The following SLTM variants were observed in gnomAD, a reference collection of about 807,000 sequenced individuals.
SLTM encodes the protein SAFB like transcription modulator, also known as SAFB-like transcription modulator.
SLTM carries 43 observed loss-of-function variants against 134.6 expected under a neutral mutation model. The observed-to-expected ratio is 0.32, with a 90% CI of 0.25 to 0.41. SLTM has a LOEUF of 0.41. Ranked by LOEUF, SLTM falls within the 10% of genes least tolerant of loss-of-function variation. The pLI is 1.00. For synonymous variants in SLTM, 424 were observed against 432.3 expected, an observed-to-expected ratio of 0.98 and a Z score of 0.24; for missense variants, 1,055 against 1,288.8, an observed-to-expected ratio of 0.82 and a Z score of 2.78.
chr15:58,913,288 A>G (rs1037086656), intron 4 of SLTM, among the ~76,000 whole-genome samples: 1 of 152,164 alleles, frequency 6.6e-6, no homozygotes, highest in East Asian at 1.9e-4. Flanking sequence ...AACTTACTCT[A>G]TAACAACTAT....
At chr15:58,880,357 A>G (rs1163018047) in intron 20 of SLTM, among the ~76,000 whole-genome samples, 2 of 152,130 alleles carry the variant, frequency 1.3e-5, no homozygotes, top group Non-Finnish European at 2.9e-5. Flanking sequence ...CTCACTTTGA[A>G]GCCCCATTAC....
intron 5 of SLTM, among the ~76,000 whole-genome samples, chr15:58,904,306 C>G (rs571573080): frequency 6.6e-6 from 1 of 152,092 alleles, no homozygotes; most frequent in African/African-American, 2.4e-5. Flanking sequence ...CTGCCACGCC[C>G]GGCCAACAAT....
In SLTM at chr15:58,913,560, G is replaced by T; in HGVS notation, c.452C>A (p.Ala151Asp). ...ELLSAEENKR[A>D]HELIEAEGIE... ...TCCTTCTGCCTCTATTAATTCATGA[G>T]CTCTCTTGTTTTCTTCTGCAGAGAG... The change falls in exon 4 of 21, where the codon GCT (alanine) becomes GAT (aspartate). Residue 151 changes from alanine to aspartate, a missense_variant. By Grantham distance (126) the Ala-to-Asp change is moderately radical (BLOSUM62 -2). Around this residue, in one of 3 missense-constraint regions of SLTM, gnomAD observed 268 missense variants for 284.3 expected, o/e 0.94. Coordinates refer to ENST00000380516, the MANE Select transcript of SLTM (RefSeq NM_024755.4). 1 of 1,613,104 alleles carries T rather than the reference G, an allele frequency of 6.2e-7. No individual in the cohort carries two copies. The highest frequency in any genetic ancestry group is 8.5e-7 in the Non-Finnish European group (1 of 1,179,810).
At chr15:58,888,818 A>G in intron 16 of SLTM, 1 of 312,260 alleles carries the variant, frequency 3.2e-6, no homozygotes, top group South Asian at 7.8e-5. Flanking sequence ...GACATTTAGC[A>G]TTCAGGAGAA....
chr15:58,900,047 TG>T, intron 6 of SLTM, 110 bp from the exon 7 acceptor site: 1 of 753,128 alleles, frequency 1.3e-6, no homozygotes, highest in Admixed American at 3.1e-5. Flanking sequence ...TTAGCACTGA[TG>T]GAAGTTAGGG....
intron 5 of SLTM, among the ~76,000 whole-genome samples, chr15:58,908,062 C>T (rs1452723505): frequency 5.2e-5 from 7 of 134,996 alleles, no homozygotes; most frequent in South Asian, 2.4e-4. Context: ...CTTTTTCTTT[C>T]TTTTTTTTTT....
intron 20 of SLTM, among the ~76,000 whole-genome samples, chr15:58,880,564 A>G (rs1174140924): frequency 3.3e-5 from 5 of 151,926 alleles, no homozygotes; most frequent in Admixed American, 2.6e-4. Flanking sequence ...TCTTTTAAAT[A>G]TATATATTTT....
chr15:58,902,903 A>T (rs1595879075), intron 5 of SLTM, among the ~76,000 whole-genome samples: 1 of 148,862 alleles, frequency 6.7e-6, no homozygotes, highest in African/African-American at 2.5e-5. Context: ...TTTTATTATT[A>T]TTATTTTTTA....
chr15:58,891,327 C>G (rs942594469), intron 14 of SLTM, among the ~76,000 whole-genome samples: 2 of 152,146 alleles, frequency 1.3e-5, no homozygotes, highest in Admixed American at 6.6e-5. Flanking sequence ...CCTCTCATAC[C>G]TTTCAGATGC....
At chr15:58,926,626 T>C (rs1349965178) in intron 2 of SLTM, among the ~76,000 whole-genome samples, 2 of 151,834 alleles carry the variant, frequency 1.3e-5, no homozygotes, top group Non-Finnish European at 2.9e-5. Flanking sequence ...TTTTTTTTTT[T>C]TTCTTTGAGT....
At position 58,879,840 on chromosome 15, in the gene SLTM, ATCT is replaced by A. The variant is rs2033552468; in HGVS notation, c.*156_*158del. The A allele has an allele frequency of 6.6e-6, 6 of 906,344 alleles. No individual in the cohort carries two copies. The highest frequency in any genetic ancestry group is 3.4e-5 in the African/African-American group (2 of 59,700). 56.1% of individuals were successfully genotyped at this position (906,344 alleles called of 1,614,324 possible). ...AAAGTTACAACAGAACTATTTAAAC[ATCT>A]TCTCCAAAATTGAGAAAAGCAATCA... On this transcript the variant is annotated 3_prime_UTR_variant, in exon 21 of 21. Transcript: ENST00000380516.
chr15:58,888,548 C>T lies in SLTM; in HGVS notation c.2212G>A (p.Asp738Asn). The T allele has an allele frequency of 6.2e-7, 1 of 1,611,928 alleles. No homozygotes were observed. Among genetic ancestry groups the T allele is most frequent in the East Asian group, 2.2e-5 (1 of 44,860 alleles). The change falls in exon 17 of 21, where the codon GAT (aspartate) becomes AAT (asparagine). Residue 738 changes from aspartate (D) to asparagine (N), a missense_variant. This residue lies in a region of SLTM where 776 missense variants were observed against 962.2 expected (regional missense o/e 0.81). Transcript: ENST00000380516. ...RPRDVDHRRD[D>N]PYWSENKKLS... The stretch of plus-strand genomic sequence containing the variant: ...TTTTTATTCTCGCTCCAGTAAGGAT[C>T]ATCTCGCCTTGAAGAGAAATATTTG...
At chr15:58,922,554 A>ATT (rs1567158277) in intron 2 of SLTM, among the ~76,000 whole-genome samples, 1 of 144,298 alleles carries the variant, frequency 6.9e-6, no homozygotes, top group East Asian at 2.0e-4. Context: ...ATATGTATAT[A>ATT]ATATGTATAT....
At chr15:58,880,750 G>A (rs1294208467) in intron 20 of SLTM, among the ~76,000 whole-genome samples, 1 of 151,852 alleles carries the variant, frequency 6.6e-6, no homozygotes, top group Non-Finnish European at 1.5e-5. Context: ...ATTTTTCTTA[G>A]AGACAGGGTT....
At chr15:58,919,517 T>C (rs1428258614) in intron 2 of SLTM, among the ~76,000 whole-genome samples, 2 of 151,870 alleles carry the variant, frequency 1.3e-5, no homozygotes, top group Non-Finnish European at 2.9e-5. Flanking sequence ...GGAGGACTGC[T>C]TGAACCCAGG....
Position 58,895,266 on chromosome 15 carries a change from A to G in SLTM, c.1228-684T>C, listed in dbSNP as rs1333503068. ...TTCTAGTATTTTATTGATGAGTGTTAACACTTTTCTATAATGAGTAAAGAA... is the reference window on the plus strand; with the variant it reads ...TTCTAGTATTTTATTGATGAGTGTTGACACTTTTCTATAATGAGTAAAGAA... On this transcript the variant is annotated intron_variant, in intron 9 of 20. Transcript: ENST00000380516. 3.3e-5 allele frequency among the ~76,000 whole-genome samples: 5 copies of G among 152,332 alleles called. No individual in the cohort carries two copies. The East Asian group carries it at 9.6e-4, about 29-fold the overall frequency.
At chr15:58,924,014 C>A (rs1364367417) in intron 2 of SLTM, among the ~76,000 whole-genome samples, 1 of 151,982 alleles carries the variant, frequency 6.6e-6, no homozygotes, top group African/African-American at 2.4e-5. Flanking sequence ...AGGGTTTCAT[C>A]ATGTTGGCCA....
chr15:58,899,985 C>T lies in SLTM; in HGVS notation c.590-48G>A, dbSNP rs2035353491. 1 of 1,390,870 alleles carries T rather than the reference C, an allele frequency of 7.2e-7. No homozygotes were observed. The highest frequency in any genetic ancestry group is 1.3e-5 in the South Asian group (1 of 75,396). 86.2% of individuals were successfully genotyped at this position (1,390,870 alleles called of 1,614,324 possible). On this transcript the variant is annotated intron_variant, in intron 6 of 20. Transcript: ENST00000380516. This position sits in a 1 kb window ranked among gnomAD's most constrained non-coding sequence, Gnocchi z 5.0. ...AATATGGCAAAACAAGAAGTTTAAACAATTTCATATTCATAAGCTAGAATA... is the reference window on the plus strand; with the variant it reads ...AATATGGCAAAACAAGAAGTTTAAATAATTTCATATTCATAAGCTAGAATA...
intron 18 of SLTM, 34 bp downstream of exon 18, chr15:58,887,192 A>C (rs766833476): frequency 3.1e-6 from 5 of 1,611,780 alleles, no homozygotes; most frequent in Non-Finnish European, 4.2e-6. Flanking sequence ...AATGCATGAG[A>C]CCACTAGGAA....
Sources: gnomAD v4.1 joint callset for allele counts (sites outside exome capture counted in the v4.1 genomes callset) on GRCh38, gnomAD v4.1.1 for gene constraint, gnomAD v4.1.1 regional missense constraint, Gnocchi (gnomAD v3.1) non-coding constraint, MANE v1.5 for transcripts, NCBI Gene and HGNC (gene_info 2026-07-23, HGNC 2026-07-21) for gene names.